XKR4: variants seen among roughly 807,000 people sequenced by gnomAD.
XKR4 encodes XK-related protein 4.
Under a neutral mutation model 53.9 loss-of-function variants are expected in XKR4, and 12 were observed. The observed-to-expected ratio is 0.22, with a 90% CI of 0.14 to 0.36. The LOEUF (loss-of-function observed/expected upper bound fraction) is 0.36. Among genes scored for constraint, XKR4 ranks in the 10% least tolerant of loss-of-function variants. The pLI, the probability that XKR4 is intolerant of heterozygous loss-of-function variation, is 1.00. For synonymous variants in XKR4, 354 were observed against 362.4 expected (o/e 0.98, Z 0.26); for missense variants, 799 against 859.5 (o/e 0.93, Z 0.88).
chr8:55,476,598 C>T (rs1195873271), intron 2 of XKR4, among the ~76,000 whole-genome samples: 1 of 152,008 alleles, frequency 6.6e-6, no homozygotes, highest in Non-Finnish European at 1.5e-5. Context: ...CGAGGCATTG[C>T]CTCACTCAGG....
At chr8:55,372,520 G>A (rs1018678287) in intron 2 of XKR4, among the ~76,000 whole-genome samples, 22 of 149,584 alleles carry the variant, frequency 1.5e-4, no homozygotes, top group African/African-American at 5.4e-4. Flanking sequence ...ATTCAAAAGT[G>A]TTTTACTATG....
intron 1 of XKR4, among the ~76,000 whole-genome samples, chr8:55,195,078 T>G (rs944322194): frequency 2.0e-5 from 3 of 152,138 alleles, no homozygotes; most frequent in Non-Finnish European, 4.4e-5. Context: ...TATTTAATTC[T>G]AAAAATAAAA....
intron 1 of XKR4, among the ~76,000 whole-genome samples, chr8:55,311,846 AAAAAAGAAAAG>A (rs1336662799): frequency 2.9e-5 from 4 of 136,438 alleles, no homozygotes; most frequent in Non-Finnish European, 4.7e-5. Context: ...AAAAAAAAAA[AAAAAAGAAAAG>A]AAAAAGAAAA....
chr8:55,359,404 G>T (rs531631412), intron 2 of XKR4, among the ~76,000 whole-genome samples: 2 of 152,276 alleles, frequency 1.3e-5, no homozygotes, highest in Admixed American at 6.5e-5. Context: ...TTCTATCTTT[G>T]AATCAATGAA....
chr8:55,299,455 A>T (rs954707756), intron 1 of XKR4, among the ~76,000 whole-genome samples: 29 of 152,190 alleles, frequency 1.9e-4, no homozygotes, highest in African/African-American at 7.0e-4. Context: ...CGTGAACTTG[A>T]TTCTGAAAGC....
chr8:55,263,533 T>C (rs555537064), intron 1 of XKR4, among the ~76,000 whole-genome samples: 106 of 152,354 alleles, frequency 7.0e-4, no homozygotes, highest in Admixed American at 5.6e-3. Flanking sequence ...ATTTTGAAGC[T>C]GAAATAGCAT....
At chr8:55,513,667 C>T (rs1273303561) in intron 2 of XKR4, among the ~76,000 whole-genome samples, 1 of 152,206 alleles carries the variant, frequency 6.6e-6, no homozygotes, top group Non-Finnish European at 1.5e-5. Context: ...GAGGTACTGA[C>T]ACCAGGAGGT....
rs1289821784 is a variant in XKR4, at chr8:55,538,336, C to T, written c.*14109C>T. On this transcript the variant is annotated 3_prime_UTR_variant, in exon 3 of 3. Transcript: ENST00000327381. ...GAGATTAGCTAGATTTGCTAAAGTGCTTGTAGGTTAGAAAGTGCTGTCATT... is the reference window on the plus strand; with the variant it reads ...GAGATTAGCTAGATTTGCTAAAGTGTTTGTAGGTTAGAAAGTGCTGTCATT... 1 of 152,168 alleles carries T rather than the reference C, an allele frequency of 6.6e-6. No individual in the cohort carries two copies. The highest frequency in any genetic ancestry group is 1.5e-5 in the Non-Finnish European group (1 of 68,042). The allele number at this position is 152,168 out of a possible 1,614,324, so 9.4% of individuals were successfully genotyped here.
intron 1 of XKR4, among the ~76,000 whole-genome samples, chr8:55,280,371 G>C (rs1818827443): frequency 6.6e-6 from 1 of 152,142 alleles, no homozygotes; most frequent in Non-Finnish European, 1.5e-5. Flanking sequence ...AGGTAAACTA[G>C]GTTAACTCAG....
At chr8:55,170,460 G>T (rs534056315) in intron 1 of XKR4, among the ~76,000 whole-genome samples, 1 of 152,232 alleles carries the variant, frequency 6.6e-6, no homozygotes, top group African/African-American at 2.4e-5. Flanking sequence ...CAGGCAGCAG[G>T]CAAGGACAAG....
chr8:55,433,821 T>C (rs1805135451), intron 2 of XKR4, among the ~76,000 whole-genome samples: 1 of 151,590 alleles, frequency 6.6e-6, no homozygotes, highest in African/African-American at 2.4e-5. Flanking sequence ...AGCCTAGGAG[T>C]TTGAGACCAG....
intron 1 of XKR4, among the ~76,000 whole-genome samples, chr8:55,275,306 A>C (rs1012495752): frequency 1.3e-5 from 2 of 152,198 alleles, no homozygotes; most frequent in Non-Finnish European, 2.9e-5. Flanking sequence ...AAAAGTGTAA[A>C]TGGATTTTAT....
At chr8:55,297,624 G>A (rs1410979359) in intron 1 of XKR4, among the ~76,000 whole-genome samples, 5 of 152,170 alleles carry the variant, frequency 3.3e-5, no homozygotes, top group Admixed American at 3.3e-4. Context: ...AAAGAAAAGA[G>A]ACTGGGAATG....
chr8:55,383,149 G>T (rs1804260644), intron 2 of XKR4, among the ~76,000 whole-genome samples: 1 of 152,162 alleles, frequency 6.6e-6, no homozygotes, highest in Non-Finnish European at 1.5e-5. Flanking sequence ...GGAGGCAGAA[G>T]TTGCAGTAAG....
At chr8:55,512,860 C>T (rs1806650504) in intron 2 of XKR4, among the ~76,000 whole-genome samples, 1 of 152,124 alleles carries the variant, frequency 6.6e-6, no homozygotes, top group South Asian at 2.1e-4. Context: ...TTCTTTCTGC[C>T]TTCCTCTCTA....
chr8:55,261,877 CT>C (rs1189370917), intron 1 of XKR4, among the ~76,000 whole-genome samples: 6 of 149,306 alleles, frequency 4.0e-5, no homozygotes, highest in African/African-American at 9.8e-5. Flanking sequence ...GAAGATTTGG[CT>C]TTTTTTTTTA....
intron 1 of XKR4, among the ~76,000 whole-genome samples, chr8:55,304,549 C>G (rs895590992): frequency 7.9e-5 from 12 of 152,050 alleles, no homozygotes; most frequent in South Asian, 2.1e-4. Context: ...TCCTGGGTAT[C>G]CTTGTTAATT....
At chr8:55,159,070 G>A (rs1476600775) in intron 1 of XKR4, among the ~76,000 whole-genome samples, 2 of 152,130 alleles carry the variant, frequency 1.3e-5, no homozygotes, top group Non-Finnish European at 2.9e-5. Context: ...TCTTTAGGCA[G>A]TATGGCCATT....
intron 1 of XKR4, among the ~76,000 whole-genome samples, chr8:55,349,374 A>T (rs900575002): frequency 1.3e-5 from 2 of 152,156 alleles, no homozygotes; most frequent in Admixed American, 6.5e-5. Flanking sequence ...AGCTGGACAG[A>T]TGTAATGTAT....
Sources: allele counts gnomAD v4.1 joint callset (sites outside exome capture counted in the v4.1 genomes callset), GRCh38; gene constraint gnomAD v4.1.1; transcripts MANE v1.5; gene names NCBI Gene and HGNC (gene_info 2026-07-23, HGNC 2026-07-21).